AKAP9: variants seen among roughly 807,000 people sequenced by gnomAD.
The protein encoded by AKAP9 is A-kinase anchor protein 9.
Under a neutral mutation model 488.5 loss-of-function variants are expected in AKAP9, and 311 were observed. The ratio of observed to expected loss-of-function variants is 0.64; its 90% CI spans 0.58 to 0.70. The LOEUF (loss-of-function observed/expected upper bound fraction) is 0.70, where lower values mean the gene tolerates loss of function less well. Among genes scored for constraint, AKAP9 ranks in the 30% least tolerant of loss-of-function variants. The probability of loss-of-function intolerance (pLI) is 0.00; values close to 1 mark genes in which losing one functional copy is unlikely to be tolerated. For synonymous variants in AKAP9, 1,462 were observed against 1,483.5 expected, an observed-to-expected ratio of 0.99 and a Z score of 0.33; for missense variants, 4,215 against 4,374.5, an observed-to-expected ratio of 0.96 and a Z score of 1.03.
In AKAP9 at chr7:92,079,604, A is replaced by G. The variant is rs1221135242; in HGVS notation, c.7471A>G (p.Lys2491Glu). The stretch of plus-strand genomic sequence containing the variant: ...CTTCAAATCTTTTGAAGAAAATGGC[A>G]AAGGTTCCATAATTAATTTGGAAAC... ...TYFKSFEENG[K>E]GSIINLETRL... The change falls in exon 31 of 50, where the codon AAA becomes GAA. Residue 2491 changes from lysine (K) to glutamate (E), a missense_variant. Lys to Glu is a moderately conservative substitution (Grantham distance 56). Coordinates refer to ENST00000356239, the MANE Select transcript of AKAP9 (RefSeq NM_005751.5). The G allele has an allele frequency of 1.9e-6, 3 of 1,613,890 alleles. No homozygotes were observed. The highest frequency in any genetic ancestry group is 1.7e-5 in the Admixed American group (1 of 60,002).
At chr7:92,007,281 C>CTTTT (rs35623219) in intron 8 of AKAP9, among the ~76,000 whole-genome samples, 6 of 84,118 alleles carry the variant, frequency 7.1e-5, no homozygotes, top group Non-Finnish European at 1.1e-4. Context: ...AACTGAAATT[C>CTTTT]TTTTTTTTTT....
At chr7:92,030,230 T>C (rs1246692984) in intron 15 of AKAP9, among the ~76,000 whole-genome samples, 2 of 152,212 alleles carry the variant, frequency 1.3e-5, no homozygotes, top group African/African-American at 2.4e-5. Flanking sequence ...AAATATGTTA[T>C]AGTTTAAGAT....
intron 12 of AKAP9, among the ~76,000 whole-genome samples, 171 bp from the exon 13 acceptor site, chr7:92,022,067 T>C (rs562676751): frequency 6.6e-6 from 1 of 152,332 alleles, no homozygotes; most frequent in Admixed American, 6.5e-5. Context: ...TATTAATTAC[T>C]GTTACAGAAG....
chr7:92,047,337 C>G (rs1046534995), intron 21 of AKAP9, among the ~76,000 whole-genome samples: 4 of 152,146 alleles, frequency 2.6e-5, no homozygotes, highest in Non-Finnish European at 4.4e-5. Context: ...CTGCTGCAGC[C>G]TCCCAAGTAG....
At chr7:92,063,812 G>C (rs1464189925) in intron 24 of AKAP9, among the ~76,000 whole-genome samples, 1 of 152,080 alleles carries the variant, frequency 6.6e-6, no homozygotes, top group Non-Finnish European at 1.5e-5. Context: ...ATGGAGTCTT[G>C]CTCAATCACC....
At chr7:91,992,133 A>G (rs1048100179) in intron 3 of AKAP9, 25 bp from the exon 4 acceptor site, 6 of 1,559,172 alleles carry the variant, frequency 3.8e-6, no homozygotes, top group Non-Finnish European at 5.3e-6. Flanking sequence ...AGATCATAAT[A>G]TATCAGGAAA....
At position 92,061,302 on chromosome 7, in the gene AKAP9, T is replaced by A; in HGVS notation, c.5644T>A (p.Ser1882Thr). The A allele has an allele frequency of 1.2e-6, 2 of 1,612,936 alleles. No homozygotes were observed. Among genetic ancestry groups the A allele is most frequent in the Non-Finnish European group, 1.7e-6 (2 of 1,179,334 alleles). Reference protein sequence around the residue: ...KVTQTELMRESFRQKQEATES... With the variant: ...KVTQTELMRETFRQKQEATES... ...GACACAGACAGAGTTGATGCGTGAGTCATTTAGACAGAAACAAGAAGCAAC... is the reference window on the plus strand; with the variant it reads ...GACACAGACAGAGTTGATGCGTGAGACATTTAGACAGAAACAAGAAGCAAC... Residue 1882 changes from serine to threonine, a missense_variant, in exon 23 of 50, where the codon TCA becomes ACA. Physicochemically the swap from Ser to Thr is moderately conservative, Grantham distance 58. Around this residue, in one of 5 missense-constraint regions of AKAP9, gnomAD observed 2,361 missense variants for 2,430.0 expected, o/e 0.97. Coordinates refer to ENST00000356239, the MANE Select transcript of AKAP9 (RefSeq NM_005751.5).
At chr7:91,993,637 AT>A (rs917857237) in intron 5 of AKAP9, among the ~76,000 whole-genome samples, 1 of 152,160 alleles carries the variant, frequency 6.6e-6, no homozygotes, top group African/African-American at 2.4e-5. Context: ...ATCACTCATA[AT>A]TTTTGTCTTT....
intron 24 of AKAP9, among the ~76,000 whole-genome samples, chr7:92,063,224 G>T (rs1427385110): frequency 6.6e-6 from 1 of 152,200 alleles, no homozygotes; most frequent in East Asian, 1.9e-4. Context: ...TCTTCCAGCT[G>T]CTCAAATTAA....
At chr7:92,014,465 C>T in intron 10 of AKAP9, 137 bp downstream of exon 10, 1 of 661,326 alleles carries the variant, frequency 1.5e-6, no homozygotes, top group Non-Finnish European at 2.8e-6. Flanking sequence ...CCGTCTCTAC[C>T]AAAAAATACA....
rs1343531502 is a variant in AKAP9, at chr7:92,085,017, A to T, written c.8832+77A>T. The T allele has an allele frequency of 3.3e-6, 5 of 1,509,760 alleles. No individual in the cohort carries two copies. The East Asian group carries it at 1.2e-4, about 35-fold the overall frequency. The allele number at this position is 1,509,760 out of a possible 1,614,324, so 93.5% of individuals were successfully genotyped here. The stretch of plus-strand genomic sequence containing the variant: ...TGAACATAGCAGTTCATTAGAAGTT[A>T]TATGGTGGGATCATTTCTGAAGAGA... On this transcript the variant is annotated intron_variant, in intron 35 of 49. Coordinates refer to ENST00000356239, the MANE Select transcript of AKAP9 (RefSeq NM_005751.5).
intron 22 of AKAP9, chr7:92,058,536 T>A (rs1584359472): frequency 3.6e-6 from 1 of 280,424 alleles, no homozygotes; most frequent in South Asian, 3.6e-5. Context: ...TCATTCTAGA[T>A]GTATTTAAGG....
At chr7:91,977,342 G>C (rs558233181) in intron 2 of AKAP9, among the ~76,000 whole-genome samples, 2 of 152,104 alleles carry the variant, frequency 1.3e-5, no homozygotes, top group African/African-American at 4.8e-5. Context: ...AGATCACGAG[G>C]TCAGGAGATC....
In AKAP9 at chr7:92,082,666, A is replaced by G. The variant is rs778145799; in HGVS notation, c.8160+4A>G. ...AAAACTTCAAGAAGAGCTTTTGGTA[A>G]GATAAGTAACATAGCTCCTAATTCA... On this transcript the variant is annotated splice_donor_region_variant and intron_variant, in intron 32 of 49. Transcript: ENST00000356239. The G allele has an allele frequency of 1.2e-5, 19 of 1,613,884 alleles. No individual in the cohort carries two copies. The highest frequency in any genetic ancestry group is 1.7e-5 in the Admixed American group (1 of 60,028).
At chr7:91,998,121 A>G (rs961146964) in intron 7 of AKAP9, among the ~76,000 whole-genome samples, 2 of 152,244 alleles carry the variant, frequency 1.3e-5, no homozygotes, top group East Asian at 1.9e-4. Flanking sequence ...CTTCACATGC[A>G]CAGTTCACAA....
chr7:91,990,209 T>C (rs1797587032), intron 3 of AKAP9, among the ~76,000 whole-genome samples: 1 of 152,114 alleles, frequency 6.6e-6, no homozygotes, highest in South Asian at 2.1e-4. Context: ...TAATCTAATC[T>C]TCATGTTTCA....
At chr7:91,978,681 C>A (rs747393061) in intron 2 of AKAP9, among the ~76,000 whole-genome samples, 1 of 151,870 alleles carries the variant, frequency 6.6e-6, no homozygotes, top group African/African-American at 2.4e-5. Context: ...TTAGTTATTA[C>A]TTTTTTTAGC....
chr7:92,091,661 G>T (rs950820258), intron 38 of AKAP9, among the ~76,000 whole-genome samples: 1 of 149,746 alleles, frequency 6.7e-6, no homozygotes, highest in Non-Finnish European at 1.5e-5. Context: ...AAAAAAAGCA[G>T]GTTAAAATTA....
intron 12 of AKAP9, among the ~76,000 whole-genome samples, chr7:92,017,467 TCA>T (rs1801678578): frequency 6.6e-6 from 1 of 152,162 alleles, no homozygotes; most frequent in Non-Finnish European, 1.5e-5. Context: ...CTAATTAGTT[TCA>T]CACAGCATTA....
Sources: gnomAD v4.1 joint callset for allele counts (sites outside exome capture counted in the v4.1 genomes callset) on GRCh38, gnomAD v4.1.1 for gene constraint, gnomAD v4.1.1 regional missense constraint, MANE v1.5 for transcripts, NCBI Gene and HGNC (gene_info 2026-07-23, HGNC 2026-07-21) for gene names.